The following CCDC141 variants were observed in gnomAD, a reference collection of about 807,000 sequenced individuals.
CCDC141 encodes the protein coiled-coil domain containing 141, also known as coiled-coil domain-containing protein 141.
CCDC141 carries 168 observed loss-of-function variants against 181.0 expected under a neutral mutation model. The ratio of observed to expected loss-of-function variants is 0.93; its 90% CI spans 0.82 to 1.05. The LOEUF is 1.05. CCDC141 is among the 50% of genes least tolerant of loss of function. The pLI is 0.00. For synonymous variants in CCDC141, 666 were observed against 642.3 expected, an observed-to-expected ratio of 1.04 and a Z score of -0.56; for missense variants, 1,902 against 1,788.5, an observed-to-expected ratio of 1.06 and a Z score of -1.14.
chr2:178,982,584 G>T (rs913415362), intron 2 of CCDC141, among the ~76,000 whole-genome samples: 6 of 152,190 alleles, frequency 3.9e-5, no homozygotes, highest in Non-Finnish European at 5.9e-5. Flanking sequence ...GTGCCAGACA[G>T]GGGGCGCAGG....
At chr2:178,860,691 A>G (rs1200188730) in intron 17 of CCDC141, among the ~76,000 whole-genome samples, 2 of 151,266 alleles carry the variant, frequency 1.3e-5, no homozygotes, top group African/African-American at 4.9e-5. Context: ...GAGAGATTTC[A>G]GGACAAGACT....
chr2:178,935,570 T>C (rs1028742389), intron 6 of CCDC141, among the ~76,000 whole-genome samples: 2 of 152,186 alleles, frequency 1.3e-5, no homozygotes, highest in South Asian at 2.1e-4. Flanking sequence ...TTGTGAATAG[T>C]GCTACAGTGA....
intron 2 of CCDC141, 21 bp downstream of exon 2, chr2:179,047,263 C>T: frequency 6.7e-7 from 1 of 1,501,162 alleles, no homozygotes; most frequent in Non-Finnish European, 8.8e-7. Flanking sequence ...TTTGTTTCTG[C>T]TTCACATCTT....
Position 178,850,114 on chromosome 2 carries a change from T to C in CCDC141, c.3292A>G (p.Lys1098Glu). 1 of 1,612,016 alleles carries C rather than the reference T, an allele frequency of 6.2e-7. No individual in the cohort carries two copies. The highest frequency in any genetic ancestry group is 8.5e-7 in the Non-Finnish European group (1 of 1,178,644). ...KYIEKIVTKH[K>E]EVLESVTELC... Reference sequence around the variant, plus strand: ...TCAGTCACAGATTCAAGAACCTCTTTGTGTTTTGTCACTATTTTCTCAATA... The same window carrying C: ...TCAGTCACAGATTCAAGAACCTCTTCGTGTTTTGTCACTATTTTCTCAATA... Residue 1098 changes from lysine (K) to glutamate (E), a missense_variant, in exon 21 of 24, where the codon AAA becomes GAA. By Grantham distance (56) the Lys-to-Glu change is moderately conservative. Coordinates refer to ENST00000443758, the MANE Select transcript of CCDC141 (RefSeq NM_173648.4).
intron 5 of CCDC141, among the ~76,000 whole-genome samples, chr2:178,955,652 T>A (rs529750320): frequency 2.1e-3 from 313 of 152,346 alleles, no homozygotes; most frequent in Middle Eastern, 3.4e-3. Context: ...TAGTTTTTTT[T>A]AATAAATGTG....
chr2:178,957,707 T>G (rs1450954775), intron 5 of CCDC141, among the ~76,000 whole-genome samples: 1 of 152,218 alleles, frequency 6.6e-6, no homozygotes, highest in East Asian at 1.9e-4. Context: ...CTGTGGTATA[T>G]GCAGACAATG....
At chr2:178,925,041 C>T (rs1267033849) in intron 6 of CCDC141, among the ~76,000 whole-genome samples, 1 of 152,226 alleles carries the variant, frequency 6.6e-6, no homozygotes, top group East Asian at 1.9e-4. Flanking sequence ...TCTGTTAATT[C>T]AGTGACAAAT....
chr2:178,871,732 T>G (rs530535324), intron 13 of CCDC141, among the ~76,000 whole-genome samples, 180 bp from the exon 14 acceptor site: 3 of 152,216 alleles, frequency 2.0e-5, no homozygotes, highest in East Asian at 3.9e-4. Context: ...TTCTGCTGCC[T>G]TTTTTGGTTT....
At chr2:179,027,461 G>A (rs186163938) in intron 2 of CCDC141, among the ~76,000 whole-genome samples, 26 of 151,800 alleles carry the variant, frequency 1.7e-4, no homozygotes, top group African/African-American at 4.8e-4. Context: ...TGGCTAACAC[G>A]GTGAAACCCT....
chr2:178,905,278 G>A, intron 8 of CCDC141, 51 bp downstream of exon 8: 1 of 1,455,788 alleles, frequency 6.9e-7, no homozygotes, highest in Non-Finnish European at 9.2e-7. Flanking sequence ...AGCACGTTGT[G>A]GAAACTGTGA....
chr2:178,925,120 A>C (rs1688863865), intron 6 of CCDC141, among the ~76,000 whole-genome samples: 1 of 152,228 alleles, frequency 6.6e-6, no homozygotes, highest in African/African-American at 2.4e-5. Flanking sequence ...TTGATCCAGA[A>C]ATCAACCTTA....
chr2:178,897,460 T>C (rs528241862), intron 8 of CCDC141, among the ~76,000 whole-genome samples: 150 of 152,348 alleles, frequency 9.8e-4, no homozygotes, highest in African/African-American at 3.3e-3. Flanking sequence ...ACTCCTGTTT[T>C]ATGTCTCTGT....
chr2:178,941,781 C>A (rs1251514403), intron 6 of CCDC141, among the ~76,000 whole-genome samples: 1 of 144,814 alleles, frequency 6.9e-6, no homozygotes. Context: ...AGCAAGACCC[C>A]GTCTCTACAA....
chr2:178,930,635 TC>T (rs2154375773), intron 6 of CCDC141, among the ~76,000 whole-genome samples: 1 of 152,042 alleles, frequency 6.6e-6, no homozygotes, highest in East Asian at 1.9e-4. Flanking sequence ...AATAGAAGAG[TC>T]CAGAAATAAA....
intron 1 of CCDC141, 99 bp from the exon 2 acceptor site, chr2:179,047,505 C>T: frequency 9.5e-7 from 1 of 1,051,978 alleles, no homozygotes; most frequent in Non-Finnish European, 1.3e-6. Flanking sequence ...TCCAGTTATA[C>T]TGTAAACACT....
At chr2:178,964,389 T>C (rs895951504) in intron 4 of CCDC141, among the ~76,000 whole-genome samples, 1 of 152,192 alleles carries the variant, frequency 6.6e-6, no homozygotes, top group Admixed American at 6.5e-5. Context: ...GGCACAACTT[T>C]AGGCCCTCAG....
At chr2:178,998,485 G>GT (rs1318445837) in intron 2 of CCDC141, among the ~76,000 whole-genome samples, 2 of 151,792 alleles carry the variant, frequency 1.3e-5, no homozygotes, top group African/African-American at 4.8e-5. Context: ...CCATGCTTCA[G>GT]TTTTTTTTCT....
chr2:178,942,315 A>G (rs1689556592), intron 6 of CCDC141, among the ~76,000 whole-genome samples: 1 of 152,154 alleles, frequency 6.6e-6, no homozygotes, highest in African/African-American at 2.4e-5. Flanking sequence ...AATATTATTT[A>G]TTTCTAAACA....
At chr2:179,012,499 T>G (rs1044102359) in intron 2 of CCDC141, among the ~76,000 whole-genome samples, 1 of 151,876 alleles carries the variant, frequency 6.6e-6, no homozygotes, top group African/African-American at 2.4e-5. Context: ...ACAAAAAAAG[T>G]CCAGGACCAG....
Sources: allele counts gnomAD v4.1 joint callset (sites outside exome capture counted in the v4.1 genomes callset), GRCh38; gene constraint gnomAD v4.1.1; transcripts MANE v1.5; gene names NCBI Gene and HGNC (gene_info 2026-07-23, HGNC 2026-07-21).